Variants in GPBP1L1 observed in about 807,000 individuals in gnomAD.
GPBP1L1 encodes vasculin-like protein 1.
A neutral mutation model predicts 52.5 loss-of-function variants in GPBP1L1; 23 were observed. The observed-to-expected ratio is 0.44, with a 90% CI of 0.32 to 0.62. The LOEUF is 0.62. Among genes scored for constraint, GPBP1L1 ranks in the 20% least tolerant of loss-of-function variants. The pLI, the probability that GPBP1L1 is intolerant of heterozygous loss-of-function variation, is 0.06. For synonymous variants in GPBP1L1, 243 were observed against 203.1 expected (o/e 1.20, Z -1.67); for missense variants, 596 against 579.3 (o/e 1.03, Z -0.30).
At chr1:45,666,920 A>T (rs1645017095) in intron 2 of GPBP1L1, among the ~76,000 whole-genome samples, 1 of 152,226 alleles carries the variant, frequency 6.6e-6, no homozygotes, top group Admixed American at 6.5e-5. Flanking sequence ...CCATGAAAAT[A>T]TTACGTTAAA....
chr1:45,631,812 C>T (rs572707490), intron 10 of GPBP1L1, among the ~76,000 whole-genome samples: 2 of 152,028 alleles, frequency 1.3e-5, no homozygotes, highest in Non-Finnish European at 2.9e-5. Flanking sequence ...CCCAGCTACT[C>T]GGGAGGCTGA....
chr1:45,685,055 G>A (rs376389019), intron 2 of GPBP1L1, among the ~76,000 whole-genome samples: 1 of 150,456 alleles, frequency 6.6e-6, no homozygotes, highest in Non-Finnish European at 1.5e-5. Context: ...TAAACTTCTG[G>A]ATCTATCGAT....
chr1:45,669,342 G>A (rs1645047500), intron 2 of GPBP1L1, among the ~76,000 whole-genome samples: 1 of 152,202 alleles, frequency 6.6e-6, no homozygotes, highest in South Asian at 2.1e-4. Context: ...TAGAGATGGA[G>A]GTCTCACTAT....
At chr1:45,628,478 G>A in intron 12 of GPBP1L1, 70 bp from the exon 13 acceptor site, 1 of 1,451,598 alleles carries the variant, frequency 6.9e-7, no homozygotes. Context: ...ATAAGCCCTG[G>A]GAAAGGCCAG....
Position 45,634,278 on chromosome 1 carries a change from A to T in GPBP1L1, c.745-42T>A, listed in dbSNP as rs775053491. On this transcript the variant is annotated intron_variant, in intron 8 of 12. Coordinates refer to ENST00000355105, the MANE Select transcript of GPBP1L1 (RefSeq NM_021639.5). Reference sequence around the variant, plus strand: ...AACAAATCAGTCAGAACAAGCACACAAACAGAAGCTCAGCTTATAAAATCA... The same window carrying T: ...AACAAATCAGTCAGAACAAGCACACTAACAGAAGCTCAGCTTATAAAATCA... 5 of 1,538,106 alleles carry T rather than the reference A, an allele frequency of 3.3e-6. No homozygotes were observed. In the African/African-American group the frequency reaches 5.5e-5, roughly 17 times the overall value.
rs140789391 is a variant in GPBP1L1 at position 45,663,755 on chromosome 1, T to C, written c.-1097-2530A>G. On this transcript the variant is annotated intron_variant, in intron 2 of 12. Transcript: ENST00000355105. ...AATGGTTTTATTAGAATGGTGGAAT[T>C]ATGGGCATTTTGTTTTATCTTCTCT... Among the ~76,000 whole-genome samples the C allele has an allele frequency of 4.6e-5, 7 of 152,334 alleles. No homozygotes were observed. The East Asian group carries it at 1.3e-3, about 29-fold the overall frequency.
intron 2 of GPBP1L1, among the ~76,000 whole-genome samples, chr1:45,670,886 A>G (rs1569869112): frequency 1.4e-5 from 2 of 141,574 alleles, no homozygotes; most frequent in Admixed American, 1.6e-4. Flanking sequence ...TCCGCCTCCC[A>G]GGTTCACGCC....
At chr1:45,672,082 G>T (rs749928461) in intron 2 of GPBP1L1, among the ~76,000 whole-genome samples, 2 of 151,960 alleles carry the variant, frequency 1.3e-5, no homozygotes, top group African/African-American at 2.4e-5. Flanking sequence ...ATTTATTCAG[G>T]CTGGGTGCGG....
At chr1:45,639,721 C>CA (rs1303897525) in intron 8 of GPBP1L1, among the ~76,000 whole-genome samples, 7 of 150,814 alleles carry the variant, frequency 4.6e-5, no homozygotes, top group Non-Finnish European at 8.9e-5. Flanking sequence ...ACTAAAAATA[C>CA]AAAAAAACAC....
intron 2 of GPBP1L1, among the ~76,000 whole-genome samples, chr1:45,670,375 T>C (rs4534429): frequency 1.1e-4 from 16 of 152,364 alleles, no homozygotes; most frequent in African/African-American, 3.4e-4. Flanking sequence ...TGCAAATACC[T>C]TTTTCCACTT....
At chr1:45,673,796 T>G (rs1483367745) in intron 2 of GPBP1L1, among the ~76,000 whole-genome samples, 2 of 150,614 alleles carry the variant, frequency 1.3e-5, no homozygotes, top group Non-Finnish European at 3.0e-5. Flanking sequence ...GAGACAGAGG[T>G]TGCACTGAGC....
At chr1:45,631,534 A>ATT (rs2148418520) in intron 10 of GPBP1L1, among the ~76,000 whole-genome samples, 1 of 152,322 alleles carries the variant, frequency 6.6e-6, no homozygotes, top group Non-Finnish European at 1.5e-5. Context: ...AAGTGTTGGG[A>ATT]TTATAGGTTT....
intron 3 of GPBP1L1, among the ~76,000 whole-genome samples, chr1:45,659,981 C>A (rs1557711576): frequency 6.6e-6 from 1 of 152,176 alleles, no homozygotes; most frequent in Non-Finnish European, 1.5e-5. Context: ...AAGGACGATA[C>A]AACCTCTCAA....
intron 2 of GPBP1L1, among the ~76,000 whole-genome samples, chr1:45,661,507 G>C (rs969065414): frequency 6.6e-6 from 1 of 151,268 alleles, no homozygotes; most frequent in Non-Finnish European, 1.5e-5. Context: ...CCAAGCTGGA[G>C]TGCAATGTCG....
At chr1:45,649,145 T>C (rs1263898518) in intron 6 of GPBP1L1, among the ~76,000 whole-genome samples, 1 of 152,260 alleles carries the variant, frequency 6.6e-6, no homozygotes, top group Non-Finnish European at 1.5e-5. Flanking sequence ...AGACTGCAGA[T>C]GCTCAACCTG....
chr1:45,672,236 C>T (rs945224847), intron 2 of GPBP1L1, among the ~76,000 whole-genome samples: 1 of 151,536 alleles, frequency 6.6e-6, no homozygotes, highest in Non-Finnish European at 1.5e-5. Flanking sequence ...TGGCCAGGCG[C>T]TTGTAGTCCC....
intron 2 of GPBP1L1, among the ~76,000 whole-genome samples, chr1:45,681,261 C>T (rs77806151): frequency 1.2e-3 from 185 of 152,260 alleles, no homozygotes; most frequent in African/African-American, 4.2e-3. Context: ...TACACAGAAT[C>T]ACCTAACAAA....
At chr1:45,640,905 C>T (rs1169369601) in intron 7 of GPBP1L1, among the ~76,000 whole-genome samples, 2 of 152,110 alleles carry the variant, frequency 1.3e-5, no homozygotes, top group Non-Finnish European at 2.9e-5. Flanking sequence ...GTGGTCCCAG[C>T]TACTTAGGAG....
At chr1:45,674,750 A>G (rs1339733277) in intron 2 of GPBP1L1, among the ~76,000 whole-genome samples, 1 of 152,216 alleles carries the variant, frequency 6.6e-6, no homozygotes, top group Non-Finnish European at 1.5e-5. Context: ...GATTCTGCCC[A>G]ACAGCAAGCT....
Sources: gnomAD v4.1 joint callset for allele counts (sites outside exome capture counted in the v4.1 genomes callset) on GRCh38, gnomAD v4.1.1 for gene constraint, MANE v1.5 for transcripts, NCBI Gene and HGNC (gene_info 2026-07-23, HGNC 2026-07-21) for gene names.